Variants in CDK17 observed in about 807,000 individuals in gnomAD.
The protein encoded by CDK17 is cyclin dependent kinase 17, also known as cyclin-dependent kinase 17.
CDK17 carries 24 observed loss-of-function variants against 77.6 expected under a neutral mutation model. The ratio of observed to expected loss-of-function variants is 0.31; its 90% CI spans 0.22 to 0.44. The LOEUF is 0.44. Among genes scored for constraint, CDK17 ranks in the 20% least tolerant of loss-of-function variants. The probability of loss-of-function intolerance (pLI) is 1.00; values close to 1 mark genes in which losing one functional copy is unlikely to be tolerated. For synonymous variants in CDK17, 203 were observed against 210.4 expected, an observed-to-expected ratio of 0.96 and a Z score of 0.30; for missense variants, 429 against 622.5, an observed-to-expected ratio of 0.69 and a Z score of 3.31.
chr12:96,385,012 G>GAAAAAA (rs75720821), intron 1 of CDK17, among the ~76,000 whole-genome samples: 1 of 75,502 alleles, frequency 1.3e-5, no homozygotes, highest in Non-Finnish European at 2.6e-5. Context: ...TTTCTCAAGG[G>GAAAAAA]AAAAAAAAAA....
rs1952251725 is a variant in CDK17 at position 96,286,758 on chromosome 12, A to G, written c.1122T>C (p.Gly374=). Residue 374 remains glycine (G), a synonymous_variant, in exon 12 of 17, where the codon GGT becomes GGC. Transcript: ENST00000261211. ...SEYSTQIDMW[G]VGCIFFEMAS... ...CCATTTCAAAGAAAATGCAACCAAC[A>G]CCCCTTTAAAATAGATCATGAAAAT... 6.2e-7 allele frequency: 1 copy of G among 1,604,388 alleles called. No individual in the cohort carries two copies. Among genetic ancestry groups the G allele is most frequent in the Non-Finnish European group, 8.5e-7 (1 of 1,171,984 alleles).
chr12:96,330,638 C>T (rs893418478), intron 2 of CDK17, among the ~76,000 whole-genome samples: 5 of 152,132 alleles, frequency 3.3e-5, no homozygotes, highest in Non-Finnish European at 5.9e-5. Context: ...GGGTCTGGCT[C>T]CTTTCAGTTT....
intron 1 of CDK17, among the ~76,000 whole-genome samples, chr12:96,338,905 G>A (rs560299709): frequency 5.3e-5 from 8 of 151,662 alleles, no homozygotes; most frequent in Middle Eastern, 3.4e-3. Flanking sequence ...TCCATCTCCA[G>A]AATTCATTTC....
intron 1 of CDK17, among the ~76,000 whole-genome samples, chr12:96,346,604 G>C (rs1953214759): frequency 6.8e-6 from 1 of 147,518 alleles, no homozygotes; most frequent in East Asian, 2.1e-4. Flanking sequence ...CTCCAGCCTG[G>C]GCAACAAGAG....
intron 3 of CDK17, among the ~76,000 whole-genome samples, chr12:96,317,105 T>C (rs1409979580): frequency 4.6e-4 from 64 of 140,598 alleles, no homozygotes; most frequent in Non-Finnish European, 8.4e-4. Flanking sequence ...TACAGAGAAG[T>C]GCTTAAAGGA....
At chr12:96,308,745 A>ATAAT (rs1952609819) in intron 5 of CDK17, among the ~76,000 whole-genome samples, 1 of 147,190 alleles carries the variant, frequency 6.8e-6, no homozygotes, top group African/African-American at 2.5e-5. Flanking sequence ...AATAATAATA[A>ATAAT]TAATAATAAT....
intron 14 of CDK17, 23 bp downstream of exon 14, chr12:96,283,580 A>T: frequency 6.7e-7 from 1 of 1,484,024 alleles, no homozygotes; most frequent in Non-Finnish European, 9.4e-7. Context: ...CCTATTTAAC[A>T]ATTACTGTAA....
intron 1 of CDK17, among the ~76,000 whole-genome samples, chr12:96,393,238 C>T (rs1954102858): frequency 1.3e-5 from 2 of 148,900 alleles, no homozygotes; most frequent in African/African-American, 5.0e-5. Flanking sequence ...GTGGCAGACA[C>T]CTGTAATTCC....
At chr12:96,399,586 C>G (rs541553854) in intron 1 of CDK17, among the ~76,000 whole-genome samples, 10 of 152,172 alleles carry the variant, frequency 6.6e-5, no homozygotes, top group African/African-American at 1.7e-4. Flanking sequence ...AGCTCCACCC[C>G]CGCCGAGGGG....
At chr12:96,340,380 T>G (rs1340705939) in intron 1 of CDK17, among the ~76,000 whole-genome samples, 2 of 152,268 alleles carry the variant, frequency 1.3e-5, no homozygotes, top group Non-Finnish European at 2.9e-5. Flanking sequence ...AGAAAAATAC[T>G]TATAAAGCTA....
intron 1 of CDK17, among the ~76,000 whole-genome samples, chr12:96,340,831 T>A (rs1953111437): frequency 6.6e-6 from 1 of 152,246 alleles, no homozygotes; most frequent in Admixed American, 6.5e-5. Context: ...TGAAGATCTT[T>A]ACACTATCAT....
At chr12:96,305,676 C>CA (rs1478358176) in intron 5 of CDK17, among the ~76,000 whole-genome samples, 2 of 151,944 alleles carry the variant, frequency 1.3e-5, no homozygotes, top group Admixed American at 1.3e-4. Flanking sequence ...GGTAGATTTG[C>CA]AAGTTTGTTA....
chr12:96,303,699 A>T (rs959842071), intron 5 of CDK17, among the ~76,000 whole-genome samples: 5 of 151,862 alleles, frequency 3.3e-5, no homozygotes, highest in African/African-American at 1.2e-4. Context: ...AAATTAAATT[A>T]TAATTTATAA....
intron 3 of CDK17, among the ~76,000 whole-genome samples, chr12:96,317,239 GTT>G (rs1462412645): frequency 6.7e-6 from 1 of 149,518 alleles, no homozygotes; most frequent in Non-Finnish European, 1.5e-5. Flanking sequence ...GAGAAGGGAA[GTT>G]TAGAGAAAAA....
At chr12:96,378,757 T>C (rs935264655) in intron 1 of CDK17, among the ~76,000 whole-genome samples, 4 of 152,196 alleles carry the variant, frequency 2.6e-5, no homozygotes, top group African/African-American at 7.2e-5. Flanking sequence ...CTACGGTACA[T>C]CTACATAAGA....
intron 6 of CDK17, 147 bp downstream of exon 6, chr12:96,300,157 A>G (rs1952476291): frequency 1.7e-6 from 1 of 605,276 alleles, no homozygotes; most frequent in Admixed American, 3.6e-5. Context: ...AACTCCTAGA[A>G]ACTCTGTTAC....
At chr12:96,295,799 A>G (rs1421871776) in intron 9 of CDK17, among the ~76,000 whole-genome samples, 1 of 152,234 alleles carries the variant, frequency 6.6e-6, no homozygotes, top group East Asian at 1.9e-4. Flanking sequence ...ATGACTCTGA[A>G]AAAAGTAATT....
chr12:96,384,666 C>T (rs189676161), intron 1 of CDK17, among the ~76,000 whole-genome samples: 4 of 152,252 alleles, frequency 2.6e-5, no homozygotes, highest in Admixed American at 2.6e-4. Flanking sequence ...AACAGAAAAC[C>T]AAATACTGTA....
chr12:96,328,154 G>A (rs1316996567), intron 2 of CDK17, among the ~76,000 whole-genome samples: 11 of 152,042 alleles, frequency 7.2e-5, no homozygotes, highest in Admixed American at 7.2e-4. Flanking sequence ...GTTGTGAACT[G>A]TGCATGCGAG....
Sources: gnomAD v4.1 joint callset for allele counts (sites outside exome capture counted in the v4.1 genomes callset) on GRCh38, gnomAD v4.1.1 for gene constraint, MANE v1.5 for transcripts, NCBI Gene and HGNC (gene_info 2026-07-23, HGNC 2026-07-21) for gene names.